Variants in GRIK2 observed in about 807,000 individuals in gnomAD.
The protein encoded by GRIK2 is glutamate receptor ionotropic, kainate 2.
GRIK2 carries 32 observed loss-of-function variants against 100.3 expected under a neutral mutation model. The ratio of observed to expected loss-of-function variants is 0.32; its 90% CI spans 0.24 to 0.43. The LOEUF (loss-of-function observed/expected upper bound fraction) is 0.43, where lower values mean the gene tolerates loss of function less well. Among genes scored for constraint, GRIK2 ranks in the 20% least tolerant of loss-of-function variants. The probability of loss-of-function intolerance (pLI) is 1.00; values close to 1 mark genes in which losing one functional copy is unlikely to be tolerated. For synonymous variants in GRIK2, 417 were observed against 389.4 expected (o/e 1.07, Z -0.83); for missense variants, 843 against 1,114.9 (o/e 0.76, Z 3.47).
At chr6:101,418,250 T>A (rs559472979) in intron 2 of GRIK2, among the ~76,000 whole-genome samples, 75 of 152,350 alleles carry the variant, frequency 4.9e-4, no homozygotes, top group African/African-American at 1.8e-3. Context: ...AGTGTTTGTC[T>A]TTCTATTATC....
chr6:101,484,586 T>C (rs1772716363), intron 2 of GRIK2, among the ~76,000 whole-genome samples: 2 of 150,954 alleles, frequency 1.3e-5, no homozygotes, highest in Admixed American at 1.3e-4. Flanking sequence ...TGGGATATGC[T>C]AAGTTGGTAT....
intron 12 of GRIK2, among the ~76,000 whole-genome samples, chr6:101,912,046 G>GCACA (rs571177027): frequency 0.083 from 5,228 of 62,856 alleles, 119 homozygotes; most frequent in African/African-American, 0.12. Flanking sequence ...CAGGGGCAAC[G>GCACA]CACACACACA....
intron 10 of GRIK2, among the ~76,000 whole-genome samples, chr6:101,832,976 A>C (rs1041397664): frequency 1.3e-5 from 2 of 152,216 alleles, no homozygotes; most frequent in Non-Finnish European, 2.9e-5. Context: ...TTTTAAAATA[A>C]CGTTAAAGGA....
At chr6:101,472,169 G>A (rs1771978917) in intron 2 of GRIK2, among the ~76,000 whole-genome samples, 1 of 151,724 alleles carries the variant, frequency 6.6e-6, no homozygotes, top group Non-Finnish European at 1.5e-5. Flanking sequence ...TTTTCAGATG[G>A]CATGCTTGTG....
intron 2 of GRIK2, among the ~76,000 whole-genome samples, chr6:101,619,977 T>C (rs1780071791): frequency 6.6e-6 from 1 of 152,146 alleles, no homozygotes; most frequent in Non-Finnish European, 1.5e-5. Flanking sequence ...CATTGTGACC[T>C]CAAATACTTG....
chr6:102,069,523 T>C lies in GRIK2; in HGVS notation c.*1012T>C, dbSNP rs1487767285. ...ATGGAGCATGGGCAGATTTCAGTGA[T>C]ACGAGAAAGGGGACTGGTCATCTAT... On this transcript the variant is annotated 3_prime_UTR_variant, in exon 17 of 17. Coordinates refer to ENST00000369134, the MANE Select transcript of GRIK2 (RefSeq NM_021956.5). The C allele has an allele frequency of 6.6e-6, 1 of 151,784 alleles. No individual in the cohort carries two copies. Among genetic ancestry groups the C allele is most frequent in the East Asian group, 1.9e-4 (1 of 5,176 alleles). The allele number at this position is 151,784 out of a possible 1,614,324, so 9.4% of individuals were successfully genotyped here.
intron 2 of GRIK2, among the ~76,000 whole-genome samples, chr6:101,504,047 T>C (rs769633591): frequency 6.6e-6 from 1 of 152,164 alleles, no homozygotes; most frequent in Non-Finnish European, 1.5e-5. Flanking sequence ...CTACATTTAT[T>C]TTATAGATGA....
chr6:101,518,867 G>A (rs77853038), intron 2 of GRIK2, among the ~76,000 whole-genome samples: 1 of 152,088 alleles, frequency 6.6e-6, no homozygotes, highest in African/African-American at 2.4e-5. Flanking sequence ...CCAACAGAGT[G>A]TCCCCTTAAA....
rs1582814282 is a variant in GRIK2, at chr6:102,065,663, T to G, written c.2563-2684T>G. On this transcript the variant is annotated intron_variant, in intron 16 of 16. Coordinates refer to ENST00000369134, the MANE Select transcript of GRIK2 (RefSeq NM_021956.5). ...ATAAATTTTTGAAGATTTGGGAAAT[T>G]TATTGGTTTTAAATGAAGGTTTATT... The G allele has an allele frequency of 1.5e-5, 8 of 519,390 alleles. No individual in the cohort carries two copies. In the East Asian group the frequency reaches 2.0e-4, roughly 13 times the overall value. 32.2% of individuals were successfully genotyped at this position (519,390 alleles called of 1,614,324 possible). A position where few individuals can be genotyped will look rare whatever the true frequency, so the allele number is the denominator to read the frequency against.
chr6:101,470,062 G>C (rs915714033), intron 2 of GRIK2, among the ~76,000 whole-genome samples: 15 of 152,118 alleles, frequency 9.9e-5, no homozygotes, highest in Non-Finnish European at 2.1e-4. Context: ...GCTCTGTGGG[G>C]CCTTCCTATT....
intron 7 of GRIK2, among the ~76,000 whole-genome samples, chr6:101,694,827 T>G (rs1235240828): frequency 1.3e-5 from 2 of 151,874 alleles, no homozygotes; most frequent in Non-Finnish European, 2.9e-5. Context: ...TATTTCAGTT[T>G]TATGAATAAT....
intron 4 of GRIK2, among the ~76,000 whole-genome samples, chr6:101,675,558 T>C (rs1390757651): frequency 6.6e-6 from 1 of 152,160 alleles, no homozygotes; most frequent in African/African-American, 2.4e-5. Flanking sequence ...TTTTTTCTTT[T>C]CACACTCTTT....
intron 15 of GRIK2, among the ~76,000 whole-genome samples, chr6:102,042,979 T>TACAGAATATTAATAA (rs1179756883): frequency 6.6e-6 from 1 of 151,616 alleles, no homozygotes; most frequent in Non-Finnish European, 1.5e-5. Flanking sequence ...TTAGAGGATA[T>TACAGAATATTAATAA]ACAGAATATT....
intron 7 of GRIK2, among the ~76,000 whole-genome samples, chr6:101,793,500 C>A (rs1478115258): frequency 1.3e-5 from 2 of 152,180 alleles, no homozygotes; most frequent in Non-Finnish European, 2.9e-5. Context: ...TGGGTATCAG[C>A]AGCAGTGTCT....
intron 7 of GRIK2, among the ~76,000 whole-genome samples, chr6:101,779,811 A>C (rs1778973794): frequency 6.6e-6 from 1 of 152,126 alleles, no homozygotes; most frequent in Admixed American, 6.5e-5. Context: ...TATAATATAT[A>C]ATGTATATAA....
At chr6:101,836,619 T>TGTA (rs1434984767) in intron 10 of GRIK2, among the ~76,000 whole-genome samples, 5,058 of 135,064 alleles carry the variant, frequency 0.037, 139 homozygotes, top group Non-Finnish European at 0.044. Flanking sequence ...ATATATATAG[T>TGTA]TATATATATA....
chr6:101,450,251 A>T (rs1264065157), intron 2 of GRIK2, among the ~76,000 whole-genome samples: 1 of 151,676 alleles, frequency 6.6e-6, no homozygotes, highest in African/African-American at 2.4e-5. Context: ...TTTAATTAGT[A>T]ATAATAGATT....
chr6:101,763,814 A>T (rs901084393), intron 7 of GRIK2, among the ~76,000 whole-genome samples: 1 of 151,872 alleles, frequency 6.6e-6, no homozygotes, highest in South Asian at 2.1e-4. Flanking sequence ...TATTTGGAAA[A>T]GAGGCCATGC....
At chr6:101,995,879 T>C (rs1189314157) in intron 14 of GRIK2, among the ~76,000 whole-genome samples, 1 of 152,074 alleles carries the variant, frequency 6.6e-6, no homozygotes, top group Non-Finnish European at 1.5e-5. Flanking sequence ...CTAACATCAC[T>C]ATTATTTCTA....
Sources: allele counts gnomAD v4.1 joint callset (sites outside exome capture counted in the v4.1 genomes callset), GRCh38; gene constraint gnomAD v4.1.1; transcripts MANE v1.5; gene names NCBI Gene and HGNC (gene_info 2026-07-23, HGNC 2026-07-21).